The following MBNL2 variants were observed in gnomAD, a reference collection of about 807,000 sequenced individuals.
MBNL2 encodes the protein muscleblind like splicing regulator 2.
MBNL2 carries 17 observed loss-of-function variants against 41.9 expected under a neutral mutation model. The observed-to-expected ratio is 0.41, with a 90% CI of 0.28 to 0.61. The LOEUF (loss-of-function observed/expected upper bound fraction) is 0.61. Among genes scored for constraint, MBNL2 ranks in the 20% least tolerant of loss-of-function variants. The pLI is 0.35. For synonymous variants in MBNL2, 195 were observed against 182.9 expected (o/e 1.07, Z -0.53); for missense variants, 336 against 505.6 (o/e 0.66, Z 3.22).
Position 97,366,523 on chromosome 13 carries a change from C to A in MBNL2, c.1048+1352C>A. 6.2e-7 allele frequency: 1 copy of A among 1,613,250 alleles called. No homozygotes were observed. Among genetic ancestry groups the A allele is most frequent in the Non-Finnish European group, 8.5e-7 (1 of 1,179,324 alleles). ...CAGCAACAACTCCTGCAACAAGTGTCCCCTTCGCAGCAACAGCCACAGCCA... is the reference window on the plus strand; with the variant it reads ...CAGCAACAACTCCTGCAACAAGTGTACCCTTCGCAGCAACAGCCACAGCCA... On this transcript the variant is annotated intron_variant, in intron 8 of 8. Coordinates refer to ENST00000679496, the MANE Select transcript of MBNL2 (RefSeq NM_001382683.1). This position sits in a 1 kb window ranked among gnomAD's most constrained non-coding sequence, Gnocchi z 4.7.
At position 97,366,613 on chromosome 13, in the gene MBNL2, T is replaced by TA. The variant is rs914085091; in HGVS notation, c.1048+1452dup. 1.9e-3 allele frequency: 1,863 copies of TA among 986,980 alleles called. No individual in the cohort carries two copies. The highest frequency in any genetic ancestry group is 2.3e-3 in the Non-Finnish European group (1,452 of 637,938). The allele number at this position is 986,980 out of a possible 1,614,324, so 61.1% of individuals were successfully genotyped here. A position where few individuals can be genotyped will look rare whatever the true frequency, so the allele number is the denominator to read the frequency against. On this transcript the variant is annotated intron_variant, in intron 8 of 8. Transcript: ENST00000679496. The surrounding 1 kb of genome is among the most constrained non-coding windows in gnomAD (Gnocchi z 4.7). ...CAAACTCTAAATGAGTGCTGATATT[T>TA]AAAAAAAAAATTCTCGGTGAGAATT...
chr13:97,358,776 AC>A (rs1356232765), intron 7 of MBNL2, among the ~76,000 whole-genome samples: 1 of 152,258 alleles, frequency 6.6e-6, no homozygotes, highest in Admixed American at 6.5e-5. Flanking sequence ...AACAATTCTA[AC>A]AAAAAGAGTT....
the MBNL2 span, among the ~76,000 whole-genome samples, chr13:97,178,961 G>C: frequency 3.3e-5 from 5 of 152,212 alleles, no homozygotes. Context: ...TGTTTAATTT[G>C]AGATAAATAG....
In MBNL2 at chr13:97,300,093, G is replaced by A. The variant is rs115521433; in HGVS notation, c.174+23684G>A. ...TGATACAGCCAGGTCCCAACCAGCCGTAAAGGAAAGGAGAAAATGCGGGAG... is the reference window on the plus strand; with the variant it reads ...TGATACAGCCAGGTCCCAACCAGCCATAAAGGAAAGGAGAAAATGCGGGAG... On this transcript the variant is annotated intron_variant, in intron 2 of 8. Coordinates refer to ENST00000679496, the MANE Select transcript of MBNL2 (RefSeq NM_001382683.1). Among the ~76,000 whole-genome samples, 502 of 152,246 alleles carry A rather than the reference G, an allele frequency of 3.3e-3. 2 individuals carry two copies. Among genetic ancestry groups the A allele is most frequent in the African/African-American group, 0.011 (464 of 41,548 alleles).
the MBNL2 span, among the ~76,000 whole-genome samples, chr13:97,156,688 C>A: frequency 1.7e-4 from 25 of 146,792 alleles, no homozygotes; most frequent in African/African-American, 6.1e-4. Context: ...TCAGGTTTGT[C>A]AAAGATCAGA....
intron 7 of MBNL2, among the ~76,000 whole-genome samples, chr13:97,359,924 C>T (rs2063271692): frequency 6.6e-6 from 1 of 152,112 alleles, no homozygotes; most frequent in African/African-American, 2.4e-5. Context: ...CCCGCTTAAA[C>T]CCATACCAGG....
intron 7 of MBNL2, chr13:97,362,964 T>C (rs2063532386): frequency 6.6e-6 from 1 of 152,200 alleles, no homozygotes; most frequent in Non-Finnish European, 1.5e-5. Context: ...TCTAGAGTTC[T>C]AGTTAGATGG....
At chr13:97,147,703 G>A in the MBNL2 span, among the ~76,000 whole-genome samples, 1 of 152,168 alleles carries the variant, frequency 6.6e-6, no homozygotes, top group Non-Finnish European at 1.5e-5. Context: ...TAGGTATCCA[G>A]GAAGGATGGC....
chr13:97,182,317 A>C, the MBNL2 span, among the ~76,000 whole-genome samples: 1 of 152,236 alleles, frequency 6.6e-6, no homozygotes, highest in African/African-American at 2.4e-5. Flanking sequence ...AGGTGGACGA[A>C]GGAAGTCATA....
rs138637248 is a variant in MBNL2, at chr13:97,229,806, T to C, written c.-605+7275T>C. On this transcript the variant is annotated intron_variant, in intron 1 of 8. Transcript: ENST00000679496. ...CTATAACATCACATCTAATGCTTTA[T>C]AAAGATTCAATTGGGACTTGTAAGA... is the stretch of plus-strand genomic sequence containing the variant. Among the ~76,000 whole-genome samples the C allele has an allele frequency of 2.6e-4, 40 of 152,332 alleles. No homozygotes were observed. The East Asian group carries it at 5.6e-3, about 21-fold the overall frequency.
chr13:97,357,765 T>C (rs1212117204), intron 7 of MBNL2, 130 bp downstream of exon 7: 2 of 904,938 alleles, frequency 2.2e-6, no homozygotes, highest in Non-Finnish European at 3.6e-6. Context: ...ATCGTTGTCC[T>C]AGCTATCTAA....
chr13:97,154,650 G>C, the MBNL2 span, among the ~76,000 whole-genome samples: 36 of 152,176 alleles, frequency 2.4e-4, no homozygotes, highest in Non-Finnish European at 4.6e-4. Flanking sequence ...AAAAGAGGGA[G>C]TGATTAAATT....
intron 1 of MBNL2, among the ~76,000 whole-genome samples, chr13:97,229,254 A>C (rs759384937): frequency 1.1e-4 from 17 of 151,352 alleles, no homozygotes; most frequent in Non-Finnish European, 2.4e-4. Flanking sequence ...AGTGGAGCTC[A>C]GTTTGGGTGG....
At chr13:97,145,883 C>G in the MBNL2 span, among the ~76,000 whole-genome samples, 1 of 152,192 alleles carries the variant, frequency 6.6e-6, no homozygotes, top group Non-Finnish European at 1.5e-5. Flanking sequence ...TTGATTCTCA[C>G]CTGAGCAGTT....
chr13:97,209,762 A>G, the MBNL2 span, among the ~76,000 whole-genome samples: 1 of 152,148 alleles, frequency 6.6e-6, no homozygotes, highest in African/African-American at 2.4e-5. Context: ...AATATTAAAA[A>G]GTTCTTTAAA....
chr13:97,197,093 G>T, the MBNL2 span, among the ~76,000 whole-genome samples: 1 of 152,156 alleles, frequency 6.6e-6, no homozygotes, highest in Non-Finnish European at 1.5e-5. Context: ...CCTGCTACTT[G>T]ACTGGGAGGT....
At chr13:97,234,917 A>C (rs1409518027) in intron 1 of MBNL2, among the ~76,000 whole-genome samples, 3 of 152,224 alleles carry the variant, frequency 2.0e-5, no homozygotes, top group African/African-American at 7.2e-5. Context: ...AGTAGGTGCC[A>C]AGGTCACTGG....
intron 2 of MBNL2, among the ~76,000 whole-genome samples, chr13:97,332,689 T>G (rs2060528052): frequency 6.6e-6 from 1 of 152,252 alleles, no homozygotes; most frequent in Non-Finnish European, 1.5e-5. Flanking sequence ...CAATAGACTT[T>G]CCAATATTTT....
In MBNL2 at chr13:97,334,754, G is replaced by A. The variant is rs1435298631; in HGVS notation, c.339+314G>A. Among the ~76,000 whole-genome samples the A allele has an allele frequency of 6.6e-6, 1 of 152,158 alleles. No homozygotes were observed. The highest frequency in any genetic ancestry group is 1.5e-5 in the Non-Finnish European group (1 of 68,036). ...GTTTTAACATGTTCATTTACAGTGTGAATTAATAATCTATGTATCAATGAG... is the reference window on the plus strand; with the variant it reads ...GTTTTAACATGTTCATTTACAGTGTAAATTAATAATCTATGTATCAATGAG... On this transcript the variant is annotated intron_variant, in intron 3 of 8. Transcript: ENST00000679496. The surrounding 1 kb of genome is among the most constrained non-coding windows in gnomAD (Gnocchi z 5.3).
Sources: allele counts gnomAD v4.1 joint callset (sites outside exome capture counted in the v4.1 genomes callset), GRCh38; gene constraint gnomAD v4.1.1; non-coding constraint Gnocchi (gnomAD v3.1); transcripts MANE v1.5; gene names NCBI Gene and HGNC (gene_info 2026-07-23, HGNC 2026-07-21).